PCDHGA7: variants seen among roughly 807,000 people sequenced by gnomAD.
PCDHGA7 encodes the protein protocadherin gamma-A7.
A neutral mutation model predicts 58.3 loss-of-function variants in PCDHGA7; 44 were observed. That is an observed-to-expected ratio of 0.75 (90% CI 0.59 to 0.97). PCDHGA7 has a LOEUF of 0.97. Ranked by LOEUF, PCDHGA7 falls within the 50% of genes least tolerant of loss-of-function variation. The pLI, the probability that PCDHGA7 is intolerant of heterozygous loss-of-function variation, is 0.00. For missense variants in PCDHGA7, 1,266 were observed against 1,188.7 expected (o/e 1.06, Z -0.96); for synonymous variants, 516 against 504.2 (o/e 1.02, Z -0.31).
intron 1 of PCDHGA7, chr5:141,399,141 C>T (rs778835051): frequency 1.9e-6 from 3 of 1,613,660 alleles, no homozygotes; most frequent in African/African-American, 1.3e-5. Flanking sequence ...ATGAAAATGA[C>T]AATAGCCCAG....
rs1562137380 is a variant in PCDHGA7, at chr5:141,490,297, G to T, written c.2425-4510G>T. On this transcript the variant is annotated intron_variant, in intron 1 of 3. Coordinates refer to ENST00000518325, the MANE Select transcript of PCDHGA7 (RefSeq NM_018920.4). This position sits in a 1 kb window ranked among gnomAD's most constrained non-coding sequence, Gnocchi z 5.4. The stretch of plus-strand genomic sequence containing the variant: ...TGACAATGCCCCAGAGGTGCTATTG[G>T]CCTCTTTGGCCAACCCTGTCCTAGA... 2 of 1,614,202 alleles carry T rather than the reference G, an allele frequency of 1.2e-6. No individual in the cohort carries two copies. Among genetic ancestry groups the T allele is most frequent in the South Asian group, 1.1e-5 (1 of 91,086 alleles).
rs769909773 is a variant in PCDHGA7 at position 141,476,732 on chromosome 5, C to T, written c.2425-18075C>T. The T allele has an allele frequency of 8.7e-6, 14 of 1,614,096 alleles. No homozygotes were observed. Among genetic ancestry groups the T allele is most frequent in the Non-Finnish European group, 1.1e-5 (13 of 1,180,030 alleles). ...GTTGGAGCGCGCCCTGGACCGAGAA[C>T]GGGAGCCTAGTCTCCAGTTAGTGCT... is the stretch of plus-strand genomic sequence containing the variant. On this transcript the variant is annotated intron_variant, in intron 1 of 3. Coordinates refer to ENST00000518325, the MANE Select transcript of PCDHGA7 (RefSeq NM_018920.4). The surrounding 1 kb of genome is among the most constrained non-coding windows in gnomAD (Gnocchi z 7.6).
intron 1 of PCDHGA7, among the ~76,000 whole-genome samples, chr5:141,469,189 T>C (rs1393685141): frequency 2.6e-5 from 4 of 151,710 alleles, no homozygotes; most frequent in African/African-American, 9.7e-5. Flanking sequence ...GGCAAGAGGA[T>C]TGCTTGAGCC....
At chr5:141,403,167 C>G (rs775617849) in intron 1 of PCDHGA7, 1 of 1,614,026 alleles carries the variant, frequency 6.2e-7, no homozygotes, top group Non-Finnish European at 8.5e-7. Flanking sequence ...AGAGGTAGGA[C>G]GCAGCTTTTC....
chr5:141,507,862 G>T (rs17286954), intron 3 of PCDHGA7, among the ~76,000 whole-genome samples: 20,426 of 152,154 alleles, frequency 0.13, 1,374 homozygotes, highest in Admixed American at 0.16. Context: ...TTTCACACCC[G>T]CTTCCTAGCC....
At chr5:141,404,063 G>A in intron 1 of PCDHGA7, 1 of 1,613,798 alleles carries the variant, frequency 6.2e-7, no homozygotes, top group Non-Finnish European at 8.5e-7. Context: ...TCTTTTCAAT[G>A]CTCATGACCG....
At chr5:141,478,759 A>G in intron 1 of PCDHGA7, 2 of 1,514,800 alleles carry the variant, frequency 1.3e-6, no homozygotes, top group African/African-American at 1.4e-5. Flanking sequence ...GGGGGAAGAT[A>G]CTTGACTCAT....
rs1280755615 is a variant in PCDHGA7, at chr5:141,431,629, A to G, written c.2424+46306A>G. 1 of 1,614,246 alleles carries G rather than the reference A, an allele frequency of 6.2e-7. No individual in the cohort carries two copies. ...GGTATGTGGACGACAAGGCGGCCCA[A>G]GTTTTCAAACTAGATTGTAATTCAG... On this transcript the variant is annotated intron_variant, in intron 1 of 3. Transcript: ENST00000518325. The surrounding 1 kb of genome is among the most constrained non-coding windows in gnomAD (Gnocchi z 4.8).
At chr5:141,463,401 A>T (rs57406832) in intron 1 of PCDHGA7, among the ~76,000 whole-genome samples, 25,027 of 149,108 alleles carry the variant, frequency 0.17, 2,158 homozygotes, top group South Asian at 0.22. Context: ...GGCAAAAAAA[A>T]TGGAGATCCT....
At chr5:141,502,925 C>T (rs962871271) in intron 2 of PCDHGA7, among the ~76,000 whole-genome samples, 5 of 145,518 alleles carry the variant, frequency 3.4e-5, no homozygotes, top group Non-Finnish European at 5.9e-5. Flanking sequence ...GCAGTGGCAA[C>T]CTTCACCTCC....
intron 1 of PCDHGA7, chr5:141,430,554 A>G (rs372392559): frequency 3.2e-5 from 13 of 411,906 alleles, no homozygotes; most frequent in Admixed American, 4.0e-5. Context: ...CTGTTCACCA[A>G]TCGGGGAGAG....
rs2096301395 is a variant in PCDHGA7, at chr5:141,418,913, C to A, written c.2424+33590C>A. On this transcript the variant is annotated intron_variant, in intron 1 of 3. Coordinates refer to ENST00000518325, the MANE Select transcript of PCDHGA7 (RefSeq NM_018920.4). ...CAGCCCAGAAATAATCATCACGTCA[C>A]TCTCTGATCAGATTATGGAGGATTC... The A allele has an allele frequency of 2.5e-6, 4 of 1,613,946 alleles. No homozygotes were observed. The highest frequency in any genetic ancestry group is 3.4e-6 in the Non-Finnish European group (4 of 1,179,822).
Position 141,454,549 on chromosome 5 carries a change from G to A in PCDHGA7, c.2425-40258G>A, listed in dbSNP as rs188623155. ...AGCCTCCCAAGTAGCTGAGATTACA[G>A]GCATGTGCCACCACGCCCGGCTAAT... On this transcript the variant is annotated intron_variant, in intron 1 of 3. Transcript: ENST00000518325. Among the ~76,000 whole-genome samples, 406 of 152,154 alleles carry A rather than the reference G, an allele frequency of 2.7e-3. 2 individuals are homozygous for A. The highest frequency in any genetic ancestry group is 0.021 in the South Asian group (99 of 4,814).
chr5:141,407,959 G>T, intron 1 of PCDHGA7: 1 of 668,062 alleles, frequency 1.5e-6, no homozygotes, highest in South Asian at 2.3e-5. Flanking sequence ...CCAGTGCAGA[G>T]CAAGCGCTGA....
intron 1 of PCDHGA7, chr5:141,414,493 GCT>G: frequency 6.2e-7 from 1 of 1,613,950 alleles, no homozygotes; most frequent in Non-Finnish European, 8.5e-7. Context: ...ATCAACGGAA[GCT>G]CACTTTATGC....
chr5:141,420,244 C>A lies in PCDHGA7; in HGVS notation c.2424+34921C>A, dbSNP rs755775597. On this transcript the variant is annotated intron_variant, in intron 1 of 3. Coordinates refer to ENST00000518325, the MANE Select transcript of PCDHGA7 (RefSeq NM_018920.4). ...TACTGGCTAGCATTTTAACTCCCAGCGTTGAAGCAGATAAGAAGATTCTTA... is the reference window on the plus strand; with the variant it reads ...TACTGGCTAGCATTTTAACTCCCAGAGTTGAAGCAGATAAGAAGATTCTTA... 83 of 1,584,438 alleles carry A rather than the reference C, an allele frequency of 5.2e-5. 1 individual carries two copies. The South Asian group carries it at 9.4e-4, about 18-fold the overall frequency.
At chr5:141,421,828 C>T in intron 1 of PCDHGA7, 1 of 1,613,796 alleles carries the variant, frequency 6.2e-7, no homozygotes, top group Non-Finnish European at 8.5e-7. Context: ...GGAGGGAAGC[C>T]TGGACCGAGA....
intron 1 of PCDHGA7, chr5:141,433,179 T>C (rs760574214): frequency 1.2e-5 from 20 of 1,608,614 alleles, no homozygotes; most frequent in Admixed American, 1.7e-5. Flanking sequence ...CATGGGTTAA[T>C]TGAGGTGAGT....
At chr5:141,421,965 C>A in intron 1 of PCDHGA7, 1 of 1,610,360 alleles carries the variant, frequency 6.2e-7, no homozygotes, top group Non-Finnish European at 8.5e-7. Context: ...TTACACAGTC[C>A]GTATATCGCG....
Sources: allele counts gnomAD v4.1 joint callset (sites outside exome capture counted in the v4.1 genomes callset), GRCh38; gene constraint gnomAD v4.1.1; non-coding constraint Gnocchi (gnomAD v3.1); transcripts MANE v1.5; gene names NCBI Gene and HGNC (gene_info 2026-07-23, HGNC 2026-07-21).